The following OSCP1 variants were observed in gnomAD, a reference collection of about 807,000 sequenced individuals.
OSCP1 encodes protein OSCP1.
A neutral mutation model predicts 45.1 loss-of-function variants in OSCP1; 35 were observed. That is an observed-to-expected ratio of 0.78 (90% confidence interval 0.59 to 1.03). OSCP1 has a LOEUF of 1.03. Ranked by LOEUF, OSCP1 falls within the 50% of genes least tolerant of loss-of-function variation. OSCP1 has a pLI of 0.00. For missense variants in OSCP1, 400 were observed against 470.7 expected, an observed-to-expected ratio of 0.85 and a Z score of 1.39; for synonymous variants, 179 against 180.1, an observed-to-expected ratio of 0.99 and a Z score of 0.05.
At chr1:36,446,499 G>A (rs1428938400) in intron 1 of OSCP1, among the ~76,000 whole-genome samples, 1 of 152,248 alleles carries the variant, frequency 6.6e-6, no homozygotes, top group African/African-American at 2.4e-5. Flanking sequence ...CCCGAAGGCA[G>A]GCAGGCTGAA....
intron 4 of OSCP1, among the ~76,000 whole-genome samples, chr1:36,431,491 C>G (rs1648359182): frequency 6.6e-6 from 1 of 151,932 alleles, no homozygotes; most frequent in South Asian, 2.1e-4. Context: ...GGATACAGCT[C>G]AACAAAAGGT....
rs1340090751 is a variant in OSCP1, at chr1:36,432,502, A to G, written c.355T>C (p.Leu119=). 5.0e-6 allele frequency: 8 copies of G among 1,614,128 alleles called. No individual in the cohort carries two copies. The highest frequency in any genetic ancestry group is 5.9e-6 in the Non-Finnish European group (7 of 1,180,016). The change falls in exon 3 of 10, where the codon TTG becomes CTG. Residue 119 remains leucine (L), a synonymous_variant. Coordinates refer to ENST00000235532, the MANE Select transcript of OSCP1 (RefSeq NM_145047.5). The stretch of plus-strand genomic sequence containing the variant: ...CGGATGAATCCCTTGATGGTATCCA[A>G]GTGATTGAAAGTGACCAGCAGCACA... The part of the protein sequence containing the change: ...KDVLLVTFNH[L]DTIKGFIRDS...
In OSCP1 at chr1:36,418,034, C is replaced by A; in HGVS notation, c.*105G>T. Reference sequence around the variant, plus strand: ...AAATAAGAAATAGACGTAATGGCTTCACTCAGTAGAAAACTAGCAGCATCA... The same window carrying A: ...AAATAAGAAATAGACGTAATGGCTTAACTCAGTAGAAAACTAGCAGCATCA... On this transcript the variant is annotated 3_prime_UTR_variant, in exon 10 of 10. Coordinates refer to ENST00000235532, the MANE Select transcript of OSCP1 (RefSeq NM_145047.5). 1 of 821,534 alleles carries A rather than the reference C, an allele frequency of 1.2e-6. No homozygotes were observed. 50.9% of individuals were successfully genotyped at this position (821,534 alleles called of 1,614,324 possible).
intron 1 of OSCP1, among the ~76,000 whole-genome samples, chr1:36,440,199 G>A (rs1649036922): frequency 6.6e-6 from 1 of 152,218 alleles, no homozygotes; most frequent in Non-Finnish European, 1.5e-5. Context: ...CAGAGGCAAG[G>A]TAGAGCAGTG....
intron 4 of OSCP1, among the ~76,000 whole-genome samples, chr1:36,429,793 G>C (rs1167364598): frequency 1.3e-5 from 2 of 150,640 alleles, no homozygotes; most frequent in African/African-American, 4.9e-5. Flanking sequence ...CTCAGCCCAG[G>C]CTGGAGCACA....
At chr1:36,440,218 A>C (rs1289098962) in intron 1 of OSCP1, among the ~76,000 whole-genome samples, 2 of 152,212 alleles carry the variant, frequency 1.3e-5, no homozygotes, top group African/African-American at 4.8e-5. Context: ...TGAAGTGATT[A>C]TTTTAGGCAC....
At chr1:36,446,943 T>G (rs1008726728) in intron 1 of OSCP1, among the ~76,000 whole-genome samples, 1 of 152,238 alleles carries the variant, frequency 6.6e-6, no homozygotes, top group Admixed American at 6.5e-5. Context: ...AGTTGCCTCA[T>G]AGAGAGAGCA....
chr1:36,421,264 T>C (rs1335567703), intron 7 of OSCP1, among the ~76,000 whole-genome samples: 1 of 152,176 alleles, frequency 6.6e-6, no homozygotes, highest in Non-Finnish European at 1.5e-5. Context: ...GGCGAGTCTC[T>C]GCCAGCAAGC....
chr1:36,418,969 C>T (rs776004754), intron 9 of OSCP1, 22 bp downstream of exon 9: 24 of 1,564,596 alleles, frequency 1.5e-5, no homozygotes, highest in Non-Finnish European at 1.8e-6. Flanking sequence ...CGATTGGACC[C>T]TGTGTTATCC....
At chr1:36,425,902 G>A (rs974499070) in intron 4 of OSCP1, among the ~76,000 whole-genome samples, 4 of 152,164 alleles carry the variant, frequency 2.6e-5, no homozygotes, top group African/African-American at 9.7e-5. Context: ...GAAGCTTGCT[G>A]AGGAGAATGA....
chr1:36,418,170 T>C lies in OSCP1; in HGVS notation c.1109A>G (p.Asp370Gly). ...EQPRLSTSKG[D>G]DLLAMMDEL ...CTCATCCATCATGGCGAGCAAATCG[T>C]CCCCTTTGCTGGTGCTCAGCCTTGG... Residue 370 changes from aspartate (D) to glycine (G), a missense_variant, in exon 10 of 10, where the codon GAC becomes GGC. Asp to Gly is a moderately conservative substitution (Grantham distance 94). Transcript: ENST00000235532. 1.9e-6 allele frequency: 3 copies of C among 1,614,114 alleles called. No individual in the cohort carries two copies. Among genetic ancestry groups the C allele is most frequent in the African/African-American group, 1.3e-5 (1 of 75,036 alleles).
intron 1 of OSCP1, among the ~76,000 whole-genome samples, chr1:36,441,944 G>T (rs950407293): frequency 6.6e-5 from 10 of 151,706 alleles, no homozygotes; most frequent in African/African-American, 2.4e-4. Context: ...GAGGCTAAGG[G>T]GGGCCGGGCG....
intron 2 of OSCP1, 112 bp downstream of exon 2, chr1:36,438,644 C>T: frequency 7.7e-7 from 1 of 1,291,500 alleles, no homozygotes; most frequent in Non-Finnish European, 1.0e-6. Flanking sequence ...TTACACATGC[C>T]TGTTTCTTGC....
Position 36,418,228 on chromosome 1 carries a change from G to C in OSCP1, c.1051C>G (p.Arg351Gly), listed in dbSNP as rs552863417. 7 of 1,614,172 alleles carry C rather than the reference G, an allele frequency of 4.3e-6. No homozygotes were observed. The highest frequency in any genetic ancestry group is 1.1e-5 in the South Asian group (1 of 91,082). ...GTGATCTCAAACTCCCCCATGATTC[G>C]AGCCAGCTCCTCGCTCCGTTGCTGG... is the stretch of plus-strand genomic sequence containing the variant. ...QDQQRSEELA[R>G]IMGEFEITEQ... The change falls in exon 10 of 10, where the codon CGA becomes GGA. Residue 351 changes from arginine to glycine, a missense_variant. Arg to Gly is a moderately radical substitution (Grantham distance 125). Coordinates refer to ENST00000235532, the MANE Select transcript of OSCP1 (RefSeq NM_145047.5).
intron 2 of OSCP1, 40 bp from the exon 3 acceptor site, chr1:36,432,629 C>T: frequency 6.2e-7 from 1 of 1,611,864 alleles, no homozygotes; most frequent in South Asian, 1.1e-5. Flanking sequence ...GGGATCATAT[C>T]AAAATCAGGT....
At chr1:36,436,533 A>G (rs1244300587) in intron 2 of OSCP1, among the ~76,000 whole-genome samples, 1 of 151,934 alleles carries the variant, frequency 6.6e-6, no homozygotes, top group Middle Eastern at 3.2e-3. Flanking sequence ...ACGCCATTAC[A>G]CCTGGTCTTT....
chr1:36,448,799 G>T (rs537953626), intron 1 of OSCP1, among the ~76,000 whole-genome samples: 1 of 152,350 alleles, frequency 6.6e-6, no homozygotes, highest in East Asian at 1.9e-4. Flanking sequence ...GCAGGCAGTG[G>T]TGGAAGAAGG....
rs200043573 is a variant in OSCP1 at position 36,429,535 on chromosome 1, A to ATTTTTTTTTTTTTTTTTTT, written c.516+2248_516+2266dup. The stretch of plus-strand genomic sequence containing the variant: ...CACATTCAAAATTCAGAAGCTTAGA[A>ATTTTTTTTTTTTTTTTTTT]TTTTTTTTTTTTTTTTTTTTTTTTT... On this transcript the variant is annotated intron_variant, in intron 4 of 9. Coordinates refer to ENST00000235532, the MANE Select transcript of OSCP1 (RefSeq NM_145047.5). 4.3e-4 allele frequency among the ~76,000 whole-genome samples: 43 copies of ATTTTTTTTTTTTTTTTTTT among 100,302 alleles called. 4 individuals are homozygous for ATTTTTTTTTTTTTTTTTTT. The highest frequency in any genetic ancestry group is 1.4e-3 in the African/African-American group (34 of 23,894). 65.8% of individuals were successfully genotyped at this position (100,302 alleles called of 152,430 possible). A position where few individuals can be genotyped will look rare whatever the true frequency, so the allele number is the denominator to read the frequency against.
chr1:36,437,987 C>G (rs1287108874), intron 2 of OSCP1, among the ~76,000 whole-genome samples: 3 of 152,104 alleles, frequency 2.0e-5, no homozygotes, highest in African/African-American at 7.2e-5. Flanking sequence ...CCAGCCTCGG[C>G]AACAAAGTGA....
Sources: gnomAD v4.1 joint callset for allele counts (sites outside exome capture counted in the v4.1 genomes callset) on GRCh38, gnomAD v4.1.1 for gene constraint, MANE v1.5 for transcripts, NCBI Gene and HGNC (gene_info 2026-07-23, HGNC 2026-07-21) for gene names.